Variants in NPAS3 observed in about 807,000 individuals in gnomAD.
NPAS3 encodes the protein neuronal PAS domain protein 3, also known as neuronal PAS domain-containing protein 3.
Under a neutral mutation model 73.1 loss-of-function variants are expected in NPAS3, and 14 were observed. The ratio of observed to expected loss-of-function variants is 0.19; its 90% CI spans 0.13 to 0.30. The LOEUF is 0.30. Among genes scored for constraint, NPAS3 ranks in the 10% least tolerant of loss-of-function variants. NPAS3 has a pLI of 1.00. For missense variants in NPAS3, 1,096 were observed against 1,250.0 expected (o/e 0.88, Z 1.86); for synonymous variants, 620 against 541.5 (o/e 1.14, Z -2.01).
Position 33,795,153 on chromosome 14 carries a change from G to A in NPAS3, c.1301+1109G>A, listed in dbSNP as rs191751559. On this transcript the variant is annotated intron_variant, in intron 10 of 11. Coordinates refer to ENST00000356141, the Ensembl canonical transcript of NPAS3. The stretch of plus-strand genomic sequence containing the variant: ...TTGGTGATGACTTGAAGGCATGAAT[G>A]TGCTTGCTACCAACAGCATATCAAT... 2.6e-5 allele frequency among the ~76,000 whole-genome samples: 4 copies of A among 152,306 alleles called. No individual in the cohort carries two copies. In the East Asian group the frequency reaches 7.7e-4, roughly 29 times the overall value.
At chr14:33,216,443 T>C (rs2047228195) in intron 3 of NPAS3, among the ~76,000 whole-genome samples, 1 of 152,200 alleles carries the variant, frequency 6.6e-6, no homozygotes, top group Non-Finnish European at 1.5e-5. Context: ...TATTTACAAT[T>C]TTGTGCTAAG....
At chr14:33,715,571 G>C (rs2140515102) in intron 6 of NPAS3, among the ~76,000 whole-genome samples, 1 of 152,250 alleles carries the variant, frequency 6.6e-6, no homozygotes, top group African/African-American at 2.4e-5. Flanking sequence ...AGATCAGCTA[G>C]CTCTATACGT....
intron 1 of NPAS3, among the ~76,000 whole-genome samples, chr14:33,049,446 C>T (rs1277464777): frequency 6.6e-6 from 1 of 152,162 alleles, no homozygotes; most frequent in Non-Finnish European, 1.5e-5. Flanking sequence ...GGGGAAGCCT[C>T]ACAATCATGG....
intron 4 of NPAS3, among the ~76,000 whole-genome samples, chr14:33,543,928 G>T (rs2054631328): frequency 2.1e-5 from 2 of 97,144 alleles, no homozygotes; most frequent in Admixed American, 2.2e-4. Context: ...CTTCATCTCA[G>T]ACAGGTATGG....
At chr14:33,452,109 G>A (rs1406547600) in intron 4 of NPAS3, among the ~76,000 whole-genome samples, 2 of 152,118 alleles carry the variant, frequency 1.3e-5, no homozygotes, top group Admixed American at 6.5e-5. Context: ...GGCTGAAGCT[G>A]GAGTCAAAAT....
chr14:33,322,229 G>A (rs950300284), intron 3 of NPAS3, among the ~76,000 whole-genome samples: 1 of 152,194 alleles, frequency 6.6e-6, no homozygotes, highest in African/African-American at 2.4e-5. Flanking sequence ...GTGAATTGGA[G>A]TGCCAGCAGG....
intron 2 of NPAS3, among the ~76,000 whole-genome samples, chr14:33,120,352 T>C (rs1279319): frequency 0.15 from 23,372 of 152,130 alleles, 2,084 homozygotes; most frequent in East Asian, 0.43. Context: ...AAATGACAGC[T>C]ATTGCCAACT....
chr14:33,055,125 T>C (rs2040842920), intron 1 of NPAS3, among the ~76,000 whole-genome samples: 1 of 152,318 alleles, frequency 6.6e-6, no homozygotes, highest in East Asian at 1.9e-4. Flanking sequence ...CTTTAAATAC[T>C]TTTTTCCCTG....
chr14:33,499,443 T>C lies in NPAS3; in HGVS notation c.469-60678T>C, dbSNP rs150139613. On this transcript the variant is annotated intron_variant, in intron 4 of 11. Coordinates refer to ENST00000356141, the Ensembl canonical transcript of NPAS3. Reference sequence around the variant, plus strand: ...TATTTTCCCACAGTGCTTAAAGATATCATTTCCTTAGAAATGATATCTTGG... The same window carrying C: ...TATTTTCCCACAGTGCTTAAAGATACCATTTCCTTAGAAATGATATCTTGG... Among the ~76,000 whole-genome samples the C allele has an allele frequency of 2.5e-3, 380 of 152,036 alleles. 3 individuals carry two copies. Among genetic ancestry groups the C allele is most frequent in the African/African-American group, 8.8e-3 (365 of 41,520 alleles).
At chr14:33,414,921 A>G (rs1318322981) in intron 4 of NPAS3, among the ~76,000 whole-genome samples, 8 of 152,154 alleles carry the variant, frequency 5.3e-5, no homozygotes. Context: ...TAGATAAGAC[A>G]TTTGAATGGT....
intron 4 of NPAS3, among the ~76,000 whole-genome samples, chr14:33,394,559 T>G (rs1294561380): frequency 2.6e-5 from 4 of 152,212 alleles, no homozygotes; most frequent in Non-Finnish European, 5.9e-5. Flanking sequence ...CTTCACTGAT[T>G]GTTAATAGCT....
intron 4 of NPAS3, among the ~76,000 whole-genome samples, chr14:33,379,262 C>T (rs546385346): frequency 2.6e-5 from 4 of 151,176 alleles, no homozygotes; most frequent in Middle Eastern, 6.9e-3. Flanking sequence ...TTTGGTAAAA[C>T]TTCAAAACAC....
At chr14:33,669,681 C>T (rs1471953493) in intron 5 of NPAS3, among the ~76,000 whole-genome samples, 1 of 152,170 alleles carries the variant, frequency 6.6e-6, no homozygotes, top group Non-Finnish European at 1.5e-5. Context: ...AGTATTTAAA[C>T]ATGCTCACTT....
intron 3 of NPAS3, among the ~76,000 whole-genome samples, chr14:33,270,299 T>C (rs1024834721): frequency 6.6e-6 from 1 of 152,004 alleles, no homozygotes; most frequent in Non-Finnish European, 1.5e-5. Context: ...GAATGAGTGA[T>C]TGACCCTATA....
At chr14:32,946,377 C>A (rs2036261327) in intron 1 of NPAS3, among the ~76,000 whole-genome samples, 1 of 151,454 alleles carries the variant, frequency 6.6e-6, no homozygotes, top group African/African-American at 2.4e-5. Context: ...CACACACACA[C>A]ACACACACAG....
At chr14:33,739,286 G>A (rs1207627440) in intron 7 of NPAS3, among the ~76,000 whole-genome samples, 1 of 152,108 alleles carries the variant, frequency 6.6e-6, no homozygotes, top group Non-Finnish European at 1.5e-5. Context: ...CCCCCATCTG[G>A]GATGATTTGG....
At chr14:33,155,749 G>T (rs1401437604) in intron 2 of NPAS3, among the ~76,000 whole-genome samples, 1 of 152,130 alleles carries the variant, frequency 6.6e-6, no homozygotes, top group African/African-American at 2.4e-5. Context: ...CAGAAATTGT[G>T]TAGGTATCTT....
At chr14:33,036,953 C>A (rs367763940) in intron 1 of NPAS3, among the ~76,000 whole-genome samples, 1 of 152,180 alleles carries the variant, frequency 6.6e-6, no homozygotes, top group South Asian at 2.1e-4. Context: ...ATCTTATGAA[C>A]TGTGGATGCA....
At chr14:33,228,707 G>A (rs2047731292) in intron 3 of NPAS3, among the ~76,000 whole-genome samples, 1 of 152,078 alleles carries the variant, frequency 6.6e-6, no homozygotes, top group Non-Finnish European at 1.5e-5. Context: ...TCCTCTAGGA[G>A]TTTATAAGCC....
Sources: gnomAD v4.1 joint callset for allele counts (sites outside exome capture counted in the v4.1 genomes callset) on GRCh38, gnomAD v4.1.1 for gene constraint, MANE v1.5 for transcripts, NCBI Gene and HGNC (gene_info 2026-07-23, HGNC 2026-07-21) for gene names.